Variants in CLASP2 observed in about 807,000 individuals in gnomAD.
CLASP2 encodes the protein cytoplasmic linker associated protein 2.
Under a neutral mutation model 194.4 loss-of-function variants are expected in CLASP2, and 47 were observed. The ratio of observed to expected loss-of-function variants is 0.24; its 90% confidence interval spans 0.19 to 0.31. CLASP2 has a LOEUF of 0.31. Among genes scored for constraint, CLASP2 ranks in the 10% least tolerant of loss-of-function variants. CLASP2 has a pLI of 1.00. For synonymous variants in CLASP2, 619 were observed against 633.5 expected (o/e 0.98, Z 0.34); for missense variants, 1,445 against 1,823.6 (o/e 0.79, Z 3.78).
At chr3:33,534,984 T>A (rs1343924117) in intron 34 of CLASP2, among the ~76,000 whole-genome samples, 1 of 152,220 alleles carries the variant, frequency 6.6e-6, no homozygotes, top group East Asian at 1.9e-4. Flanking sequence ...TGGTTTTAGT[T>A]ATTTCTGGGT....
chr3:33,707,701 T>C (rs1378185651), intron 1 of CLASP2, among the ~76,000 whole-genome samples: 2 of 152,090 alleles, frequency 1.3e-5, no homozygotes, highest in Non-Finnish European at 2.9e-5. Context: ...AAGGACTCAA[T>C]TTAAGTTTTA....
At chr3:33,638,500 G>T (rs1369779596) in intron 8 of CLASP2, among the ~76,000 whole-genome samples, 1 of 151,966 alleles carries the variant, frequency 6.6e-6, no homozygotes, top group East Asian at 1.9e-4. Flanking sequence ...TAGAGACAGG[G>T]TTTCACCGTG....
At chr3:33,617,918 G>A (rs981323453) in intron 12 of CLASP2, among the ~76,000 whole-genome samples, 3 of 147,670 alleles carry the variant, frequency 2.0e-5, no homozygotes, top group Admixed American at 6.8e-5. Context: ...AGAATGGTGC[G>A]GATAATTATT....
intron 7 of CLASP2, 152 bp from the exon 8 acceptor site, chr3:33,645,055 A>G (rs1378220464): frequency 4.0e-6 from 3 of 759,202 alleles, no homozygotes; most frequent in Middle Eastern, 2.3e-4. Context: ...GCATTTATAT[A>G]TTGGCTAACA....
intron 6 of CLASP2, among the ~76,000 whole-genome samples, chr3:33,682,053 A>C (rs1413785375): frequency 6.6e-6 from 1 of 151,824 alleles, no homozygotes. Context: ...CCTCACCAGA[A>C]GCCTAGCAAA....
At chr3:33,627,763 A>G (rs901866071) in intron 9 of CLASP2, among the ~76,000 whole-genome samples, 7 of 152,172 alleles carry the variant, frequency 4.6e-5, no homozygotes, top group Non-Finnish European at 8.8e-5. Flanking sequence ...AAAGAAAATG[A>G]AAGTTTATAC....
At chr3:33,618,027 C>A (rs1276658155) in intron 12 of CLASP2, among the ~76,000 whole-genome samples, 2 of 150,044 alleles carry the variant, frequency 1.3e-5, no homozygotes, top group East Asian at 3.9e-4. Context: ...CGGCTCACAA[C>A]AACCTCTGCC....
intron 20 of CLASP2, 150 bp from the exon 21 acceptor site, chr3:33,592,646 T>C (rs958859328): frequency 5.6e-6 from 4 of 709,698 alleles, no homozygotes; most frequent in Non-Finnish European, 4.9e-6. Context: ...AAAAATTTTA[T>C]AAACAGTAAT....
At chr3:33,637,546 A>G (rs1179067552) in intron 8 of CLASP2, among the ~76,000 whole-genome samples, 2 of 152,138 alleles carry the variant, frequency 1.3e-5, no homozygotes, top group African/African-American at 2.4e-5. Context: ...ACAAAAAAAG[A>G]AAAAAGAAAA....
At chr3:33,654,868 A>T (rs1222162978) in intron 7 of CLASP2, among the ~76,000 whole-genome samples, 4 of 152,166 alleles carry the variant, frequency 2.6e-5, no homozygotes, top group Non-Finnish European at 4.4e-5. Flanking sequence ...TTGATAAAGT[A>T]TCTTGAAATT....
chr3:33,558,285 G>T (rs929313931), intron 29 of CLASP2: 2 of 152,150 alleles, frequency 1.3e-5, no homozygotes, highest in African/African-American at 2.4e-5. Context: ...AATTGATTGA[G>T]ACTTGTCTCA....
At chr3:33,694,347 T>C (rs1201445373) in intron 2 of CLASP2, among the ~76,000 whole-genome samples, 1 of 152,094 alleles carries the variant, frequency 6.6e-6, no homozygotes, top group East Asian at 1.9e-4. Flanking sequence ...TCAATATGAG[T>C]GTAGTCAGTA....
At chr3:33,632,582 C>T (rs1310434398) in intron 8 of CLASP2, among the ~76,000 whole-genome samples, 1 of 149,950 alleles carries the variant, frequency 6.7e-6, no homozygotes, top group Non-Finnish European at 1.5e-5. Context: ...CTAGGCTAGG[C>T]GGGTTGTAAT....
intron 29 of CLASP2, among the ~76,000 whole-genome samples, chr3:33,552,921 T>C (rs1206910418): frequency 1.3e-5 from 2 of 152,192 alleles, no homozygotes; most frequent in Admixed American, 6.5e-5. Context: ...ATAGTCACCA[T>C]GTTGTACCTG....
chr3:33,564,980 A>G (rs919765329), intron 27 of CLASP2, among the ~76,000 whole-genome samples: 2 of 152,124 alleles, frequency 1.3e-5, no homozygotes, highest in African/African-American at 4.8e-5. Flanking sequence ...CCCTTGAACT[A>G]CATGCTTTTA....
At chr3:33,591,211 T>C (rs936048771) in intron 21 of CLASP2, among the ~76,000 whole-genome samples, 5 of 152,154 alleles carry the variant, frequency 3.3e-5, no homozygotes, top group Non-Finnish European at 5.9e-5. Context: ...AGCACATGAA[T>C]AACTCCTACA....
chr3:33,533,555 G>GAA (rs1472596683), intron 34 of CLASP2, among the ~76,000 whole-genome samples: 2 of 152,032 alleles, frequency 1.3e-5, no homozygotes, highest in Non-Finnish European at 2.9e-5. Flanking sequence ...ATCACAATCA[G>GAA]AAAAATTTTT....
chr3:33,608,484 T>A, intron 14 of CLASP2, 83 bp downstream of exon 14: 1 of 1,086,138 alleles, frequency 9.2e-7, no homozygotes, highest in Non-Finnish European at 1.4e-6. Flanking sequence ...AAATGAGAAA[T>A]AATGTAAAAC....
At chr3:33,520,331 G>C (rs2052637547) in intron 34 of CLASP2, among the ~76,000 whole-genome samples, 1 of 152,302 alleles carries the variant, frequency 6.6e-6, no homozygotes, top group East Asian at 1.9e-4. Flanking sequence ...GACATGAGAA[G>C]CTGGTAAAAG....
Sources: allele counts gnomAD v4.1 joint callset (sites outside exome capture counted in the v4.1 genomes callset), GRCh38; gene constraint gnomAD v4.1.1; transcripts MANE v1.5; gene names NCBI Gene and HGNC (gene_info 2026-07-23, HGNC 2026-07-21).